MAPRE2: variants seen among roughly 807,000 people sequenced by gnomAD.
MAPRE2 encodes the protein microtubule associated protein RP/EB family member 2, also known as microtubule-associated protein RP/EB family member 2.
MAPRE2 carries 13 observed loss-of-function variants against 43.2 expected under a neutral mutation model. The observed-to-expected ratio is 0.30, with a 90% CI of 0.20 to 0.48. MAPRE2 has a LOEUF of 0.48. Ranked by LOEUF, MAPRE2 falls within the 20% of genes least tolerant of loss-of-function variation. The pLI, the probability that MAPRE2 is intolerant of heterozygous loss-of-function variation, is 0.99. For synonymous variants in MAPRE2, 135 were observed against 148.8 expected, an observed-to-expected ratio of 0.91 and a Z score of 0.68; for missense variants, 161 against 400.2, an observed-to-expected ratio of 0.40 and a Z score of 5.10.
intron 2 of MAPRE2, among the ~76,000 whole-genome samples, chr18:35,013,644 T>C (rs1374114146): frequency 6.6e-6 from 1 of 152,146 alleles, no homozygotes; most frequent in Non-Finnish European, 1.5e-5. Flanking sequence ...TTTGTATCCT[T>C]TAACAAATCT....
chr18:34,984,673 A>G (rs773525493), intron 1 of MAPRE2, among the ~76,000 whole-genome samples: 10 of 149,316 alleles, frequency 6.7e-5, no homozygotes, highest in Non-Finnish European at 1.2e-4. Context: ...CTGACTGGGT[A>G]AGGAACCAAT....
chr18:35,092,818 T>C (rs1438007628), intron 2 of MAPRE2, among the ~76,000 whole-genome samples: 1 of 152,072 alleles, frequency 6.6e-6, no homozygotes, highest in Non-Finnish European at 1.5e-5. Context: ...AACATACAAA[T>C]GGCCACAGGT....
rs796076441 is a variant in MAPRE2, at chr18:34,981,883, A to ATTTTCT, written c.-70+4807_-70+4808insTCTTTT. 1.5e-5 allele frequency among the ~76,000 whole-genome samples: 2 copies of ATTTTCT among 134,608 alleles called. 1 individual carries two copies. The allele number at this position is 134,608 out of a possible 152,430, so 88.3% of individuals were successfully genotyped here. On this transcript the variant is annotated intron_variant, in intron 1 of 7. Transcript: ENST00000413393. Reference sequence around the variant, plus strand: ...TTATTTATTTTTTTTTTTTATTTTTATTTATTTTTTTTTTTTTTTGAGACG... The same window carrying ATTTTCT: ...TTATTTATTTTTTTTTTTTATTTTTATTTTCTTTTATTTTTTTTTTTTTTTGAGACG...
intron 6 of MAPRE2, among the ~76,000 whole-genome samples, chr18:35,133,161 G>A (rs1299512986): frequency 6.6e-6 from 1 of 152,144 alleles, no homozygotes; most frequent in Non-Finnish European, 1.5e-5. Context: ...CTGAATCCCA[G>A]GCAAATGTTT....
At chr18:35,071,849 G>A (rs1189373346) in intron 2 of MAPRE2, among the ~76,000 whole-genome samples, 1 of 152,182 alleles carries the variant, frequency 6.6e-6, no homozygotes, top group East Asian at 1.9e-4. Flanking sequence ...AAGACAGTAA[G>A]GTTGGCCAGA....
At chr18:34,979,139 A>G (rs2097014781) in intron 1 of MAPRE2, among the ~76,000 whole-genome samples, 1 of 152,160 alleles carries the variant, frequency 6.6e-6, no homozygotes, top group Non-Finnish European at 1.5e-5. Context: ...GTCATCTAGC[A>G]GCCTAGCTGG....
chr18:35,115,954 C>G (rs1027116617), intron 4 of MAPRE2, among the ~76,000 whole-genome samples: 7 of 152,088 alleles, frequency 4.6e-5, no homozygotes, highest in African/African-American at 1.4e-4. Context: ...TTCTTTTTTA[C>G]TAATTGATTT....
intron 1 of MAPRE2, among the ~76,000 whole-genome samples, chr18:34,985,382 T>TTA (rs755822792): frequency 1.1e-4 from 4 of 37,732 alleles, no homozygotes; most frequent in East Asian, 1.2e-3. Context: ...ATATATTATT[T>TTA]TATATATATA....
At chr18:34,997,350 G>A (rs1316414156) in intron 1 of MAPRE2, among the ~76,000 whole-genome samples, 7 of 152,172 alleles carry the variant, frequency 4.6e-5, no homozygotes, top group South Asian at 4.1e-4. Context: ...GACTCCTTGT[G>A]AGTGGGGAGG....
intron 6 of MAPRE2, among the ~76,000 whole-genome samples, chr18:35,136,621 T>C (rs1420359752): frequency 6.6e-6 from 1 of 152,186 alleles, no homozygotes; most frequent in African/African-American, 2.4e-5. Context: ...AGGGAGAAAC[T>C]GCATGAGCAA....
Position 35,140,449 on chromosome 18 carries a change from C to A in MAPRE2, c.*80C>A. On this transcript the variant is annotated 3_prime_UTR_variant, in exon 7 of 7. Transcript: ENST00000300249. ...GAATTGGAACATGTGTGGCCCCAAG[C>A]TCAACAGAAACCAGTTGTTCCCAAT... 7.4e-7 allele frequency: 1 copy of A among 1,349,978 alleles called. No individual in the cohort carries two copies. The highest frequency in any genetic ancestry group is 1.0e-6 in the Non-Finnish European group (1 of 972,806). 83.6% of individuals were successfully genotyped at this position (1,349,978 alleles called of 1,614,324 possible).
At position 35,142,278 on chromosome 18, in the gene MAPRE2, T is replaced by C. The variant is rs1300569277; in HGVS notation, c.*1909T>C. On this transcript the variant is annotated 3_prime_UTR_variant, in exon 7 of 7. Transcript: ENST00000300249. ...AACAAAAAATAGCTCTTGTAAAAGG[T>C]CACAATAACTCTATGCACCTGATAC... 1 of 152,260 alleles carries C rather than the reference T, an allele frequency of 6.6e-6. No homozygotes were observed. Among genetic ancestry groups the C allele is most frequent in the African/African-American group, 2.4e-5 (1 of 41,446 alleles). The allele number at this position is 152,260 out of a possible 1,614,324, so 9.4% of individuals were successfully genotyped here.
intron 3 of MAPRE2, among the ~76,000 whole-genome samples, chr18:35,099,297 A>T (rs985593057): frequency 6.6e-6 from 1 of 152,228 alleles, no homozygotes; most frequent in Admixed American, 6.5e-5. Flanking sequence ...CAGAAGACAT[A>T]AAAGTGATTA....
Position 34,985,638 on chromosome 18 carries a change from A to T in MAPRE2, c.-70+8559A>T, listed in dbSNP as rs1331328643. Among the ~76,000 whole-genome samples, 56 of 100,610 alleles carry T rather than the reference A, an allele frequency of 5.6e-4. 1 individual carries two copies. Among genetic ancestry groups the T allele is most frequent in the East Asian group, 7.9e-4 (3 of 3,810 alleles). 66.0% of individuals were successfully genotyped at this position (100,610 alleles called of 152,430 possible). A position where few individuals can be genotyped will look rare whatever the true frequency, so the allele number is the denominator to read the frequency against. Reference sequence around the variant, plus strand: ...TAATAATATATAACATATATATTATAATAATATATAACATATGATATATTA... The same window carrying T: ...TAATAATATATAACATATATATTATTATAATATATAACATATGATATATTA... On this transcript the variant is annotated intron_variant, in intron 1 of 7. Coordinates refer to the MAPRE2 transcript ENST00000413393.
At position 35,071,018 on chromosome 18, in the gene MAPRE2, C is replaced by T. The variant is rs375771270; in HGVS notation, c.250+696C>T. On this transcript the variant is annotated intron_variant, in intron 2 of 6. Coordinates refer to ENST00000300249, the MANE Select transcript of MAPRE2 (RefSeq NM_014268.4). ...TCATCCTCCAAAATGACACTTGCCA[C>T]GTCGTGTTAGGATGTCTAACTCCTT... Among the ~76,000 whole-genome samples the T allele has an allele frequency of 1.8e-4, 28 of 152,286 alleles. No individual in the cohort carries two copies. In the East Asian group the frequency reaches 3.9e-3, roughly 21 times the overall value.
intron 1 of MAPRE2, among the ~76,000 whole-genome samples, chr18:35,053,350 C>T (rs974231303): frequency 4.6e-5 from 7 of 151,952 alleles, no homozygotes; most frequent in African/African-American, 1.2e-4. Context: ...GCCAAGATCA[C>T]GCCACTGCAC....
intron 4 of MAPRE2, among the ~76,000 whole-genome samples, chr18:35,115,229 C>A (rs1909358936): frequency 6.6e-6 from 1 of 152,132 alleles, no homozygotes; most frequent in African/African-American, 2.4e-5. Flanking sequence ...TCATCTTGAT[C>A]AAGGAAGATG....
intron 4 of MAPRE2, among the ~76,000 whole-genome samples, chr18:35,112,685 G>T (rs1909232984): frequency 6.6e-6 from 1 of 152,184 alleles, no homozygotes; most frequent in Non-Finnish European, 1.5e-5. Context: ...AAGAAGAGAG[G>T]TAGCAGTGGT....
At chr18:35,041,802 A>G in intron 1 of MAPRE2, 141 bp downstream of exon 1, 1 of 1,492,576 alleles carries the variant, frequency 6.7e-7, no homozygotes, top group Non-Finnish European at 8.9e-7. Flanking sequence ...ATTATTTGGT[A>G]TCTGTTTCCA....
Sources: allele counts gnomAD v4.1 joint callset (sites outside exome capture counted in the v4.1 genomes callset), GRCh38; gene constraint gnomAD v4.1.1; transcripts MANE v1.5; gene names NCBI Gene and HGNC (gene_info 2026-07-23, HGNC 2026-07-21).